Variants in OPCML observed in about 807,000 individuals in gnomAD.
OPCML encodes the protein opioid-binding protein/cell adhesion molecule.
A neutral mutation model predicts 37.8 loss-of-function variants in OPCML; 13 were observed. The observed-to-expected ratio is 0.34, with a 90% confidence interval of 0.22 to 0.55. The LOEUF (loss-of-function observed/expected upper bound fraction) is 0.55. Ranked by LOEUF, OPCML falls within the 20% of genes least tolerant of loss-of-function variation. The pLI is 0.91. For missense variants in OPCML, 341 were observed against 435.6 expected (o/e 0.78, Z 1.93); for synonymous variants, 176 against 168.8 (o/e 1.04, Z -0.33).
intron 1 of OPCML, among the ~76,000 whole-genome samples, chr11:133,357,613 T>C (rs1944317143): frequency 7.2e-5 from 11 of 152,162 alleles, no homozygotes; most frequent in Admixed American, 7.2e-4. Flanking sequence ...ATCAAGAATG[T>C]CCAGTGAGGG....
chr11:133,405,182 G>T (rs968513012), intron 1 of OPCML, among the ~76,000 whole-genome samples: 3 of 152,154 alleles, frequency 2.0e-5, no homozygotes, highest in Admixed American at 6.5e-5. Context: ...GGCTCCCCTG[G>T]CTGGTCACCA....
chr11:133,221,920 T>A (rs1246036795), intron 1 of OPCML, among the ~76,000 whole-genome samples: 1 of 152,138 alleles, frequency 6.6e-6, no homozygotes, highest in African/African-American at 2.4e-5. Flanking sequence ...AATGTTCTCT[T>A]CTTCTGAAGA....
intron 1 of OPCML, among the ~76,000 whole-genome samples, chr11:132,960,963 C>A (rs915199220): frequency 4.6e-5 from 7 of 152,114 alleles, no homozygotes; most frequent in African/African-American, 1.7e-4. Flanking sequence ...GCAGCAGGTG[C>A]GGCGATGAAC....
At chr11:132,814,732 C>T (rs547386876) in intron 2 of OPCML, among the ~76,000 whole-genome samples, 1 of 152,278 alleles carries the variant, frequency 6.6e-6, no homozygotes, top group South Asian at 2.1e-4. Context: ...TTAACCATCA[C>T]ACATAGCCTC....
At chr11:132,828,751 T>C (rs1289485406) in intron 2 of OPCML, among the ~76,000 whole-genome samples, 2 of 152,232 alleles carry the variant, frequency 1.3e-5, no homozygotes, top group Admixed American at 1.3e-4. Context: ...AAGCCAGTGC[T>C]GATACTGAAG....
chr11:132,608,006 A>G (rs1012910628), intron 3 of OPCML, among the ~76,000 whole-genome samples: 1 of 152,212 alleles, frequency 6.6e-6, no homozygotes, highest in African/African-American at 2.4e-5. Context: ...AGAGGAAAAT[A>G]ATTTGAATGT....
rs538004306 is a variant in OPCML at position 133,285,582 on chromosome 11, G to A, written c.61+246682C>T. On this transcript the variant is annotated intron_variant, in intron 1 of 7. Coordinates refer to ENST00000524381, the MANE Select transcript of OPCML (RefSeq NM_001012393.5). ...AATAACAAAGGCTCAGACTTCAGCT[G>A]TTAAAAGGAGCCAGCTAGGGAAGGA... 2.6e-5 allele frequency among the ~76,000 whole-genome samples: 4 copies of A among 152,340 alleles called. No homozygotes were observed. The East Asian group carries it at 7.7e-4, about 29-fold the overall frequency.
At chr11:132,659,126 A>T (rs931801914) in intron 2 of OPCML, among the ~76,000 whole-genome samples, 3 of 152,118 alleles carry the variant, frequency 2.0e-5, no homozygotes, top group African/African-American at 7.2e-5. Flanking sequence ...ATAAAGAAAA[A>T]ATGAAGTCAT....
intron 1 of OPCML, among the ~76,000 whole-genome samples, chr11:133,095,156 G>T (rs569530418): frequency 6.6e-6 from 1 of 151,666 alleles, no homozygotes; most frequent in African/African-American, 2.4e-5. Context: ...TATCTCATTG[G>T]ATCAACATAC....
chr11:132,458,534 C>A (rs76334361), intron 4 of OPCML, among the ~76,000 whole-genome samples: 145 of 152,152 alleles, frequency 9.5e-4, no homozygotes, highest in African/African-American at 3.3e-3. Flanking sequence ...TCCTCAGGAC[C>A]CCATGACATT....
rs569605184 is a variant in OPCML, at chr11:132,865,718, C to A, written c.146+77208G>T. 3.0e-4 allele frequency among the ~76,000 whole-genome samples: 46 copies of A among 152,310 alleles called. No homozygotes were observed. In the South Asian group the frequency reaches 9.3e-3, roughly 31 times the overall value. On this transcript the variant is annotated intron_variant, in intron 2 of 7. Transcript: ENST00000524381. ...CAAATCGAGAGCAATGATCTGAGAA[C>A]ATGGCCTGCTGTCATGACGATGCAG... is the stretch of plus-strand genomic sequence containing the variant.
At chr11:132,972,060 G>C (rs1363993422) in intron 1 of OPCML, among the ~76,000 whole-genome samples, 1 of 152,156 alleles carries the variant, frequency 6.6e-6, no homozygotes, top group Non-Finnish European at 1.5e-5. Context: ...CAGAGACAGG[G>C]ATGGGGCATT....
intron 2 of OPCML, among the ~76,000 whole-genome samples, chr11:132,935,197 T>C (rs1945330884): frequency 6.6e-6 from 1 of 150,500 alleles, no homozygotes; most frequent in African/African-American, 2.4e-5. Context: ...ATAGAAACAA[T>C]ACAACAAACT....
chr11:132,538,160 A>G (rs945484485), intron 3 of OPCML, among the ~76,000 whole-genome samples: 4 of 152,244 alleles, frequency 2.6e-5, no homozygotes, highest in Non-Finnish European at 5.9e-5. Flanking sequence ...AAACAAGTCA[A>G]ATATCTATCA....
intron 3 of OPCML, among the ~76,000 whole-genome samples, chr11:132,550,015 G>A (rs1298187496): frequency 6.6e-6 from 1 of 152,094 alleles, no homozygotes; most frequent in Non-Finnish European, 1.5e-5. Flanking sequence ...CAACATAGCT[G>A]CTTCACTTTC....
At chr11:132,722,863 T>G (rs775699806) in intron 2 of OPCML, among the ~76,000 whole-genome samples, 16 of 152,318 alleles carry the variant, frequency 1.1e-4, no homozygotes, top group Non-Finnish European at 1.9e-4. Flanking sequence ...AAGTGTCATC[T>G]CACTTTATAT....
chr11:132,873,116 T>C (rs1439352262), intron 2 of OPCML, among the ~76,000 whole-genome samples: 2 of 152,156 alleles, frequency 1.3e-5, no homozygotes, highest in Non-Finnish European at 2.9e-5. Flanking sequence ...GGGGTTCTTG[T>C]CCTGTCAAGA....
At chr11:133,486,786 C>A (rs1360188892) in intron 1 of OPCML, among the ~76,000 whole-genome samples, 1 of 151,952 alleles carries the variant, frequency 6.6e-6, no homozygotes, top group Non-Finnish European at 1.5e-5. Flanking sequence ...TTATTCTTTG[C>A]AGTCTTGTTC....
chr11:132,664,156 T>G (rs1942121337), intron 2 of OPCML, among the ~76,000 whole-genome samples: 1 of 152,198 alleles, frequency 6.6e-6, no homozygotes, highest in African/African-American at 2.4e-5. Flanking sequence ...AGTTTAAATT[T>G]TAGTGGCTAT....
Sources: allele counts gnomAD v4.1 joint callset (sites outside exome capture counted in the v4.1 genomes callset), GRCh38; gene constraint gnomAD v4.1.1; transcripts MANE v1.5; gene names NCBI Gene and HGNC (gene_info 2026-07-23, HGNC 2026-07-21).